Variants in GFPT2 observed in about 807,000 individuals in gnomAD.
GFPT2 encodes the protein glutamine--fructose-6-phosphate transaminase 2, also known as glutamine--fructose-6-phosphate aminotransferase [isomerizing] 2.
Under a neutral mutation model 85.6 loss-of-function variants are expected in GFPT2, and 62 were observed. The ratio of observed to expected loss-of-function variants is 0.72; its 90% CI spans 0.59 to 0.90. The LOEUF is 0.90. Among genes scored for constraint, GFPT2 ranks in the 40% least tolerant of loss-of-function variants. GFPT2 has a pLI of 0.00. For synonymous variants in GFPT2, 368 were observed against 344.5 expected (o/e 1.07, Z -0.75); for missense variants, 788 against 893.4 (o/e 0.88, Z 1.50).
chr5:180,347,622 G>T (rs1285645895), intron 1 of GFPT2, among the ~76,000 whole-genome samples: 2 of 151,964 alleles, frequency 1.3e-5, no homozygotes, highest in Non-Finnish European at 2.9e-5. Context: ...AGATCACACA[G>T]GAAGTCAGGA....
intron 1 of GFPT2, among the ~76,000 whole-genome samples, chr5:180,350,835 G>A (rs560346997): frequency 2.6e-5 from 4 of 152,312 alleles, no homozygotes; most frequent in Admixed American, 2.6e-4. Flanking sequence ...AGAAGCAGCA[G>A]GATAAAGGAC....
rs1481336814 is a variant in GFPT2, at chr5:180,353,324, G to A, written c.-107C>T. The stretch of plus-strand genomic sequence containing the variant: ...GGGCTCCGTGGGCTCCGTGGGCTCC[G>A]CGGGCTCCAGCTCCCGTCCGCTCGG... On this transcript the variant is annotated 5_prime_UTR_variant, in exon 1 of 19. Transcript: ENST00000253778. The A allele has an allele frequency of 6.1e-6, 5 of 814,742 alleles. No individual in the cohort carries two copies. Among genetic ancestry groups the A allele is most frequent in the South Asian group, 6.6e-5 (1 of 15,254 alleles). The allele number at this position is 814,742 out of a possible 1,614,324, so 50.5% of individuals were successfully genotyped here.
chr5:180,305,441 C>T (rs141078198), intron 16 of GFPT2, among the ~76,000 whole-genome samples: 66 of 152,308 alleles, frequency 4.3e-4, no homozygotes, highest in African/African-American at 1.4e-3. Context: ...TTCCTGTGTT[C>T]AGGTAGATCC....
At chr5:180,345,745 T>C (rs976446210) in intron 1 of GFPT2, among the ~76,000 whole-genome samples, 1 of 152,126 alleles carries the variant, frequency 6.6e-6, no homozygotes, top group Non-Finnish European at 1.5e-5. Flanking sequence ...GTTGAGTGAA[T>C]GAATGAACAG....
intron 4 of GFPT2, among the ~76,000 whole-genome samples, chr5:180,333,082 T>A (rs1234158154): frequency 6.6e-6 from 1 of 152,164 alleles, no homozygotes; most frequent in Non-Finnish European, 1.5e-5. Context: ...CTCAGCTTTA[T>A]TTTTTATGTA....
rs1455819166 is a variant in GFPT2 at position 180,328,131 on chromosome 5, G to A, written c.596+146C>T. On this transcript the variant is annotated intron_variant, in intron 7 of 18. Transcript: ENST00000253778. This position sits in a 1 kb window ranked among gnomAD's most constrained non-coding sequence, Gnocchi z 5.4. ...ACCAGCCATGGAGATGGTGGGGCGCGGTCCCCGGGGCTGAGCCACAGTTGT... is the reference window on the plus strand; with the variant it reads ...ACCAGCCATGGAGATGGTGGGGCGCAGTCCCCGGGGCTGAGCCACAGTTGT... 1.8e-5 allele frequency: 10 copies of A among 547,268 alleles called. No individual in the cohort carries two copies. The highest frequency in any genetic ancestry group is 7.8e-5 in the South Asian group (3 of 38,260). 33.9% of individuals were successfully genotyped at this position (547,268 alleles called of 1,614,324 possible).
intron 4 of GFPT2, among the ~76,000 whole-genome samples, chr5:180,332,576 T>G (rs1764324705): frequency 6.6e-6 from 1 of 152,192 alleles, no homozygotes; most frequent in East Asian, 1.9e-4. Context: ...CTCACTCTGT[T>G]GCCCAGGCTG....
Position 180,331,488 on chromosome 5 carries a change from A to T in GFPT2, c.399+7T>A. On this transcript the variant is annotated splice_region_variant and intron_variant, in intron 5 of 18. Transcript: ENST00000253778. ...GACTGAGACATCACCTAGGGGAAGC[A>T]TCTTACCAGAAATTTCCTCAGATCT... The T allele has an allele frequency of 6.5e-7, 1 of 1,531,774 alleles. No homozygotes were observed. Among genetic ancestry groups the T allele is most frequent in the Non-Finnish European group, 9.1e-7 (1 of 1,104,730 alleles). 94.9% of individuals were successfully genotyped at this position (1,531,774 alleles called of 1,614,324 possible). A position where few individuals can be genotyped will look rare whatever the true frequency, so the allele number is the denominator to read the frequency against.
At chr5:180,319,253 A>G (rs1450168820) in intron 9 of GFPT2, among the ~76,000 whole-genome samples, 1 of 152,226 alleles carries the variant, frequency 6.6e-6, no homozygotes, top group Admixed American at 6.5e-5. Context: ...ATCATATCTA[A>G]AATGAATAGT....
chr5:180,308,668 C>T (rs1375189436), intron 15 of GFPT2, among the ~76,000 whole-genome samples: 4 of 152,230 alleles, frequency 2.6e-5, no homozygotes, highest in East Asian at 3.9e-4. Context: ...ATCTGAAATC[C>T]TATCAATAAA....
At position 180,323,620 on chromosome 5, in the gene GFPT2, C is replaced by A. The variant is rs1764162112; in HGVS notation, c.794+568G>T. ...GTATAAAGCAGAATTTCTCAAATTTCAAAATCATTATTCAGTGGATTGATG... is the reference window on the plus strand; with the variant it reads ...GTATAAAGCAGAATTTCTCAAATTTAAAAATCATTATTCAGTGGATTGATG... On this transcript the variant is annotated intron_variant, in intron 9 of 18. Transcript: ENST00000253778. This position sits in a 1 kb window ranked among gnomAD's most constrained non-coding sequence, Gnocchi z 4.0. 6.6e-6 allele frequency among the ~76,000 whole-genome samples: 1 copy of A among 151,542 alleles called. No homozygotes were observed. The highest frequency in any genetic ancestry group is 6.6e-5 in the Admixed American group (1 of 15,232).
intron 1 of GFPT2, among the ~76,000 whole-genome samples, chr5:180,352,188 G>C (rs1336626736): frequency 6.6e-6 from 1 of 152,066 alleles, no homozygotes; most frequent in Non-Finnish European, 1.5e-5. Context: ...TCCGAGACAA[G>C]AGGCCTGCAC....
At position 180,301,597 on chromosome 5, in the gene GFPT2, G is replaced by C. The variant is rs1361979327; in HGVS notation, c.2016C>G (p.Pro672=). 6.2e-7 allele frequency: 1 copy of C among 1,613,470 alleles called. No homozygotes were observed. Among genetic ancestry groups the C allele is most frequent in the Non-Finnish European group, 8.5e-7 (1 of 1,179,392 alleles). The stretch of plus-strand genomic sequence containing the variant: ...CAGTTACAGACTTGGCCAGATTTCT[G>C]GGGAAGTCAACCTAAAATGAAAGAA... ...AVLRGYDVDF[P]RNLAKSVTVE Residue 672 remains proline (P), a synonymous_variant, in exon 19 of 19, where the codon CCC becomes CCG. Coordinates refer to ENST00000253778, the MANE Select transcript of GFPT2 (RefSeq NM_005110.4).
At chr5:180,347,890 G>T (rs924347738) in intron 1 of GFPT2, among the ~76,000 whole-genome samples, 1 of 152,108 alleles carries the variant, frequency 6.6e-6, no homozygotes, top group South Asian at 2.1e-4. Flanking sequence ...GCCAGGTTGG[G>T]CCCACGTTCT....
At chr5:180,334,031 A>C (rs1318977930) in intron 4 of GFPT2, among the ~76,000 whole-genome samples, 1 of 152,130 alleles carries the variant, frequency 6.6e-6, no homozygotes, top group Non-Finnish European at 1.5e-5. Flanking sequence ...TCTGCACTTG[A>C]CCTGGGCTCT....
At position 180,331,770 on chromosome 5, in the gene GFPT2, C is replaced by T; in HGVS notation, c.341-217G>A. The T allele has an allele frequency of 1.1e-5, 6 of 563,522 alleles. No homozygotes were observed. In the South Asian group the frequency reaches 1.1e-4, roughly 10 times the overall value. The allele number at this position is 563,522 out of a possible 1,614,324, so 34.9% of individuals were successfully genotyped here. A position where few individuals can be genotyped will look rare whatever the true frequency, so the allele number is the denominator to read the frequency against. ...GGGATGTCTAGGGCAGCGGCTACTA[C>T]AATGGGATCCGGAGGAAATACACAT... On this transcript the variant is annotated intron_variant, in intron 4 of 18. Transcript: ENST00000253778.
intron 17 of GFPT2, among the ~76,000 whole-genome samples, chr5:180,303,121 T>G (rs1417770276): frequency 4.2e-5 from 6 of 143,894 alleles, no homozygotes; most frequent in African/African-American, 1.5e-4. Context: ...TCCCAGCTAC[T>G]GGGGAGGCTG....
rs73813208 is a variant in GFPT2, at chr5:180,326,305, T to C, written c.597-1410A>G. ...AAGAAGAAAACACCGACGAACACTG[T>C]AATAAGACAATTTAAGAGAGCTGTT... On this transcript the variant is annotated intron_variant, in intron 7 of 18. Coordinates refer to ENST00000253778, the MANE Select transcript of GFPT2 (RefSeq NM_005110.4). Among the ~76,000 whole-genome samples, 721 of 151,384 alleles carry C rather than the reference T, an allele frequency of 4.8e-3. 7 individuals carry two copies. Among genetic ancestry groups the C allele is most frequent in the African/African-American group, 0.017 (699 of 41,464 alleles).
intron 8 of GFPT2, chr5:180,324,595 T>C (rs865929728): frequency 3.4e-6 from 2 of 592,676 alleles, no homozygotes; most frequent in Admixed American, 3.0e-5. Flanking sequence ...TTTGACAATA[T>C]ACAAAATCAT....
Sources: gnomAD v4.1 joint callset for allele counts (sites outside exome capture counted in the v4.1 genomes callset) on GRCh38, gnomAD v4.1.1 for gene constraint, Gnocchi (gnomAD v3.1) non-coding constraint, MANE v1.5 for transcripts, NCBI Gene and HGNC (gene_info 2026-07-23, HGNC 2026-07-21) for gene names.